ZNF567: variants seen among roughly 807,000 people sequenced by gnomAD.
ZNF567 encodes zinc finger protein 567.
In ZNF567, 36 loss-of-function variants were observed where a neutral mutation model predicts 53.9. The ratio of observed to expected loss-of-function variants is 0.67; its 90% CI spans 0.51 to 0.88. ZNF567 has a LOEUF of 0.88. ZNF567 is among the 40% of genes least tolerant of loss of function. ZNF567 has a pLI of 0.00. For synonymous variants in ZNF567, 224 were observed against 260.4 expected, an observed-to-expected ratio of 0.86 and a Z score of 1.35; for missense variants, 619 against 764.7, an observed-to-expected ratio of 0.81 and a Z score of 2.25.
At chr19:36,717,945 A>G (rs1462327260) in intron 5 of ZNF567, among the ~76,000 whole-genome samples, 1 of 152,232 alleles carries the variant, frequency 6.6e-6, no homozygotes, top group African/African-American at 2.4e-5. Flanking sequence ...CAATTCTGAA[A>G]GAAGTGATTT....
At chr19:36,683,691 C>T (rs550310088), upstream of ZNF567, among the ~76,000 whole-genome samples, 200 of 152,038 alleles carry the variant, frequency 1.3e-3, no homozygotes, top group Non-Finnish European at 2.5e-3. Context: ...ATTAGCCATG[C>T]GTGGTGACAT....
chr19:36,705,010 A>G (rs2039419730), intron 3 of ZNF567, among the ~76,000 whole-genome samples: 1 of 152,086 alleles, frequency 6.6e-6, no homozygotes, highest in Non-Finnish European at 1.5e-5. Flanking sequence ...TGCCCTTTTT[A>G]TCCTTTTGAT....
At chr19:36,717,840 T>C (rs2040133478) in intron 5 of ZNF567, among the ~76,000 whole-genome samples, 1 of 152,194 alleles carries the variant, frequency 6.6e-6, no homozygotes, top group Non-Finnish European at 1.5e-5. Context: ...TAAAGGAATG[T>C]TACTGCATTG....
the ZNF567 span, among the ~76,000 whole-genome samples, chr19:36,667,596 A>AC: frequency 4.8e-5 from 4 of 83,220 alleles, no homozygotes; most frequent in African/African-American, 2.2e-4. Flanking sequence ...GCAAGAAAAA[A>AC]CAAACAACAA....
intron 3 of ZNF567, among the ~76,000 whole-genome samples, chr19:36,706,896 T>C (rs2039525993): frequency 6.6e-6 from 1 of 151,294 alleles, no homozygotes; most frequent in Non-Finnish European, 1.5e-5. Context: ...GTCCAAGTGA[T>C]CTTCCTGCCT....
Position 36,696,981 on chromosome 19 carries a change from A to G in ZNF567, c.9+2105A>G, listed in dbSNP as rs56310944. ...CCAATAACACTAAACAGTTACTCCC[A>G]ATTTTATTCTTTATAGCATCAGATG... On this transcript the variant is annotated intron_variant, in intron 3 of 5. Coordinates refer to ENST00000682579, the MANE Select transcript of ZNF567 (RefSeq NM_001322917.1). 7.1e-3 allele frequency among the ~76,000 whole-genome samples: 1,085 copies of G among 152,286 alleles called. 11 individuals carry two copies. Among genetic ancestry groups the G allele is most frequent in the African/African-American group, 0.024 (1,010 of 41,550 alleles).
chr19:36,693,296 AAAAATT>A, intron 2 of ZNF567, among the ~76,000 whole-genome samples: 1 of 152,204 alleles, frequency 6.6e-6, no homozygotes, highest in Non-Finnish European at 1.5e-5. Flanking sequence ...TCAAAAACAA[AAAAATT>A]AAAATTAAAA....
chr19:36,701,521 G>C (rs1192861821), intron 3 of ZNF567, among the ~76,000 whole-genome samples: 1 of 151,998 alleles, frequency 6.6e-6, no homozygotes, highest in Non-Finnish European at 1.5e-5. Context: ...TTGACAGTGG[G>C]GTGTTAAAGT....
the ZNF567 span, among the ~76,000 whole-genome samples, chr19:36,679,876 G>C: frequency 3.3e-5 from 5 of 152,186 alleles, no homozygotes; most frequent in African/African-American, 9.6e-5. Context: ...CAGGTACAAA[G>C]TTTTGTTTAG....
chr19:36,667,042 C>T, the ZNF567 span, among the ~76,000 whole-genome samples: 1 of 152,176 alleles, frequency 6.6e-6, no homozygotes, highest in African/African-American at 2.4e-5. Flanking sequence ...AGTGGCTGCC[C>T]CGAACCCCTC....
At chr19:36,703,047 T>C (rs1323980153) in intron 3 of ZNF567, among the ~76,000 whole-genome samples, 5 of 152,172 alleles carry the variant, frequency 3.3e-5, no homozygotes, top group African/African-American at 1.2e-4. Flanking sequence ...TTTCCCCATC[T>C]TTGTGGTTTT....
chr19:36,702,914 T>C (rs1403104139), intron 3 of ZNF567, among the ~76,000 whole-genome samples: 1 of 152,224 alleles, frequency 6.6e-6, no homozygotes, highest in Non-Finnish European at 1.5e-5. Context: ...TGAAGCCTTC[T>C]TCTCTCAACT....
intron 3 of ZNF567, among the ~76,000 whole-genome samples, chr19:36,698,726 T>C (rs1460643507): frequency 6.6e-6 from 1 of 152,142 alleles, no homozygotes; most frequent in Non-Finnish European, 1.5e-5. Flanking sequence ...ATGTCTTCTT[T>C]TGAGAAGTGT....
chr19:36,675,082 A>G, the ZNF567 span, among the ~76,000 whole-genome samples: 12 of 152,170 alleles, frequency 7.9e-5, no homozygotes, highest in Non-Finnish European at 1.3e-4. Context: ...CTTTTTGAAA[A>G]TCTTCCATTT....
chr19:36,711,666 T>C (rs948029420), intron 3 of ZNF567: 1 of 152,242 alleles, frequency 6.6e-6, no homozygotes, highest in Non-Finnish European at 1.5e-5. Flanking sequence ...GCCTGAGAAA[T>C]TGTTCTACCT....
downstream of ZNF567, chr19:36,723,285 C>T (rs74536619): frequency 6.5e-3 from 4,540 of 699,848 alleles, 140 homozygotes; most frequent in Admixed American, 0.057. Context: ...TTCTACTCCC[C>T]TTTGATTTTG....
At chr19:36,697,427 T>C (rs74992636) in intron 3 of ZNF567, among the ~76,000 whole-genome samples, 2 of 151,934 alleles carry the variant, frequency 1.3e-5, no homozygotes, top group Non-Finnish European at 2.9e-5. Context: ...ATAATGACTG[T>C]TTTCTTTCTT....
At chr19:36,718,178 A>G (rs1351965275) in intron 5 of ZNF567, among the ~76,000 whole-genome samples, 1 of 152,146 alleles carries the variant, frequency 6.6e-6, no homozygotes, top group Non-Finnish European at 1.5e-5. Flanking sequence ...GTGTTTTACC[A>G]CAGTCATCTA....
intron 4 of ZNF567, 117 bp from the exon 5 acceptor site, chr19:36,712,664 G>A (rs1267353427): frequency 1.5e-6 from 2 of 1,379,010 alleles, no homozygotes; most frequent in Non-Finnish European, 1.0e-6. Context: ...AGTGCAAGGT[G>A]CTACCTATAT....
Sources: gnomAD v4.1 joint callset for allele counts (sites outside exome capture counted in the v4.1 genomes callset) on GRCh38, gnomAD v4.1.1 for gene constraint, MANE v1.5 for transcripts, NCBI Gene and HGNC (gene_info 2026-07-23, HGNC 2026-07-21) for gene names.